Variants in PODXL2 observed in about 807,000 individuals in gnomAD.
PODXL2 encodes podocalyxin like 2.
Under a neutral mutation model 53.4 loss-of-function variants are expected in PODXL2, and 17 were observed. The ratio of observed to expected loss-of-function variants is 0.32; its 90% CI spans 0.22 to 0.48. PODXL2 has a LOEUF of 0.48. PODXL2 is among the 20% of genes least tolerant of loss of function. The pLI, the probability that PODXL2 is intolerant of heterozygous loss-of-function variation, is 0.99. For missense variants in PODXL2, 673 were observed against 760.0 expected (o/e 0.89, Z 1.35); for synonymous variants, 311 against 306.7 (o/e 1.01, Z -0.15).
chr3:127,655,586 C>T (rs1239939572), intron 2 of PODXL2, among the ~76,000 whole-genome samples: 2 of 152,072 alleles, frequency 1.3e-5, no homozygotes, highest in African/African-American at 2.4e-5. Flanking sequence ...GAAAGGGAGA[C>T]ACATGGAGGT....
In PODXL2 at chr3:127,671,469, C is replaced by T. The variant is rs1462066890; in HGVS notation, c.1461C>T (p.Cys487=). 4 of 1,614,032 alleles carry T rather than the reference C, an allele frequency of 2.5e-6. No homozygotes were observed. Among genetic ancestry groups the T allele is most frequent in the African/African-American group, 2.7e-5 (2 of 74,940 alleles). Residue 487 remains cysteine, a synonymous_variant, in exon 7 of 8, where the codon TGC becomes TGT. Coordinates refer to ENST00000342480, the MANE Select transcript of PODXL2 (RefSeq NM_015720.4). ...GIQNYSTTSS[C]QARASQVRSD... is the part of the protein sequence containing the mutation. The stretch of plus-strand genomic sequence containing the variant: ...AGAACTATTCCACAACCAGCAGCTG[C>T]CAGGCGCGGGCCAGCCAGGTGCGCA...
At chr3:127,645,036 G>A (rs182316110) in intron 2 of PODXL2, among the ~76,000 whole-genome samples, 2 of 152,304 alleles carry the variant, frequency 1.3e-5, no homozygotes, top group East Asian at 3.9e-4. Flanking sequence ...AAACAAACTA[G>A]CAAACAAACC....
intron 4 of PODXL2, among the ~76,000 whole-genome samples, chr3:127,665,388 G>C (rs1488568747): frequency 2.0e-5 from 3 of 152,200 alleles, no homozygotes; most frequent in African/African-American, 4.8e-5. Flanking sequence ...TTACACGATG[G>C]AACTACAGGA....
intron 2 of PODXL2, among the ~76,000 whole-genome samples, chr3:127,657,947 T>C (rs1226774261): frequency 6.6e-6 from 1 of 152,260 alleles, no homozygotes; most frequent in Non-Finnish European, 1.5e-5. Flanking sequence ...TTCTGAATTC[T>C]CTTTTGTTAA....
intron 1 of PODXL2, among the ~76,000 whole-genome samples, chr3:127,631,601 C>T (rs1202826548): frequency 1.3e-5 from 2 of 152,130 alleles, no homozygotes; most frequent in Non-Finnish European, 1.5e-5. Flanking sequence ...ATCAATCACA[C>T]GCAGAGTGTA....
intron 6 of PODXL2, among the ~76,000 whole-genome samples, chr3:127,669,969 T>C (rs989641129): frequency 8.5e-5 from 13 of 152,250 alleles, no homozygotes; most frequent in Non-Finnish European, 1.5e-5. Context: ...TGCCCTGTCA[T>C]CAGCCCTCTC....
At position 127,641,806 on chromosome 3, in the gene PODXL2, G is replaced by A. The variant is rs190190433; in HGVS notation, c.349+2283G>A. Among the ~76,000 whole-genome samples the A allele has an allele frequency of 2.9e-3, 446 of 151,890 alleles. 4 individuals carry two copies. The highest frequency in any genetic ancestry group is 3.1e-3 in the Non-Finnish European group (208 of 67,954). ...GCTGGGATTACAGGCATGAGCCACC[G>A]TGCCCAGCCCTGATTTTTAACAACT... On this transcript the variant is annotated intron_variant, in intron 2 of 7. Transcript: ENST00000342480.
At chr3:127,632,721 G>A (rs1429888130) in intron 1 of PODXL2, among the ~76,000 whole-genome samples, 1 of 152,168 alleles carries the variant, frequency 6.6e-6, no homozygotes, top group Non-Finnish European at 1.5e-5. Context: ...AAGAACTTAG[G>A]GTTCCACTTC....
At chr3:127,671,803 G>A (rs2074843874) in intron 7 of PODXL2, among the ~76,000 whole-genome samples, 190 bp downstream of exon 7, 2 of 152,214 alleles carry the variant, frequency 1.3e-5, no homozygotes, top group African/African-American at 4.8e-5. Flanking sequence ...CAGAGGTGCA[G>A]GGAGTGAGGG....
intron 4 of PODXL2, among the ~76,000 whole-genome samples, chr3:127,668,115 T>TGC (rs2074806026): frequency 6.8e-6 from 1 of 146,010 alleles, no homozygotes; most frequent in Non-Finnish European, 1.5e-5. Flanking sequence ...TGTGTGTGTG[T>TGC]GTGTGTGTGT....
At chr3:127,631,346 C>T (rs1218322327) in intron 1 of PODXL2, among the ~76,000 whole-genome samples, 7 of 152,026 alleles carry the variant, frequency 4.6e-5, no homozygotes, top group South Asian at 2.1e-4. Flanking sequence ...AGTTTTGCAC[C>T]GGGAGCAGAT....
At chr3:127,671,262 G>A (rs2074833521) in intron 6 of PODXL2, among the ~76,000 whole-genome samples, 172 bp from the exon 7 acceptor site, 2 of 152,068 alleles carry the variant, frequency 1.3e-5, no homozygotes, top group Admixed American at 1.3e-4. Flanking sequence ...GAGGCAAACG[G>A]GATGGGCATG....
At chr3:127,649,355 G>T (rs893224115) in intron 2 of PODXL2, among the ~76,000 whole-genome samples, 6 of 152,194 alleles carry the variant, frequency 3.9e-5, no homozygotes, top group African/African-American at 1.4e-4. Context: ...GCCATGATGG[G>T]GATCTATAAA....
chr3:127,647,710 G>A (rs2074665132), intron 2 of PODXL2, among the ~76,000 whole-genome samples: 1 of 152,192 alleles, frequency 6.6e-6, no homozygotes, highest in Non-Finnish European at 1.5e-5. Context: ...CCTGGGCACC[G>A]GCTTGGAGAG....
chr3:127,664,834 G>A (rs2074786799), intron 4 of PODXL2, among the ~76,000 whole-genome samples: 1 of 152,056 alleles, frequency 6.6e-6, no homozygotes, highest in Non-Finnish European at 1.5e-5. Context: ...GATGATTGGT[G>A]ATGTTGAGCA....
At chr3:127,666,599 G>A (rs747623140) in intron 4 of PODXL2, among the ~76,000 whole-genome samples, 20 of 152,018 alleles carry the variant, frequency 1.3e-4, no homozygotes, top group Non-Finnish European at 2.6e-4. Flanking sequence ...TTGTAGAGAC[G>A]GAGTTTGCCG....
In PODXL2 at chr3:127,666,639, G is replaced by A. The variant is rs149406079; in HGVS notation, c.1207-1802G>A. ...GTCTGTGCAGGAGTTGGAACTCCTG[G>A]GCCCAAGTGATCCACCTCCCTTGGC... On this transcript the variant is annotated intron_variant, in intron 4 of 7. Transcript: ENST00000342480. Among the ~76,000 whole-genome samples the A allele has an allele frequency of 1.6e-3, 244 of 152,146 alleles. 2 individuals are homozygous for A. Among genetic ancestry groups the A allele is most frequent in the African/African-American group, 5.6e-3 (234 of 41,492 alleles).
intron 2 of PODXL2, among the ~76,000 whole-genome samples, chr3:127,643,123 G>A (rs191692940): frequency 2.0e-5 from 3 of 152,054 alleles, no homozygotes; most frequent in East Asian, 1.9e-4. Flanking sequence ...TCTGACATAC[G>A]TAGAAAACAT....
intron 1 of PODXL2, among the ~76,000 whole-genome samples, chr3:127,632,356 T>G (rs1184167635): frequency 6.6e-6 from 1 of 152,206 alleles, no homozygotes. Context: ...CAACCCGTGT[T>G]TAATCCTTCA....
Sources: gnomAD v4.1 joint callset for allele counts (sites outside exome capture counted in the v4.1 genomes callset) on GRCh38, gnomAD v4.1.1 for gene constraint, MANE v1.5 for transcripts, NCBI Gene and HGNC (gene_info 2026-07-23, HGNC 2026-07-21) for gene names.